Variants in ZNF469 observed in about 807,000 individuals in gnomAD.
ZNF469 encodes zinc finger protein 469.
ZNF469 carries 1 observed loss-of-function variant against 1.0 expected under a neutral mutation model. The ratio of observed to expected loss-of-function variants is 1.00; its 90% CI spans 0.35 to 4.73. The LOEUF is 4.73. Ranked by LOEUF, ZNF469 falls within the 30% of genes most tolerant of loss-of-function variation. ZNF469 has a pLI of 0.16. For synonymous variants in ZNF469, 2,703 were observed against 2,363.4 expected (o/e 1.14, Z -4.17); for missense variants, 6,100 against 5,356.3 (o/e 1.14, Z -4.33).
intron 1 of ZNF469, among the ~76,000 whole-genome samples, chr16:88,415,105 C>T (rs1280796007): frequency 6.6e-6 from 1 of 152,242 alleles, no homozygotes; most frequent in African/African-American, 2.4e-5. Flanking sequence ...CTCTCTGAGC[C>T]TCGGTTTCTC....
At chr16:88,379,954 CTGAG>C (rs931170522), upstream of ZNF469, among the ~76,000 whole-genome samples, 3 of 152,172 alleles carry the variant, frequency 2.0e-5, no homozygotes, top group Non-Finnish European at 4.4e-5. Flanking sequence ...AGCATGGACT[CTGAG>C]TGAGGGCTTC....
chr16:88,210,609 A>G, the ZNF469 span, among the ~76,000 whole-genome samples: 1 of 152,338 alleles, frequency 6.6e-6, no homozygotes, highest in Non-Finnish European at 1.5e-5. Context: ...TATGTATAGT[A>G]TGAGATATGA....
the ZNF469 span, among the ~76,000 whole-genome samples, chr16:88,187,715 ATTTTT>A: frequency 6.4e-5 from 9 of 140,202 alleles, no homozygotes; most frequent in African/African-American, 2.1e-4. Context: ...GATTGCCTGC[ATTTTT>A]TTTTTTTTTT....
chr16:88,234,234 G>C, the ZNF469 span, among the ~76,000 whole-genome samples: 6 of 152,206 alleles, frequency 3.9e-5, no homozygotes, highest in African/African-American at 7.2e-5. Flanking sequence ...CCCATGGAAA[G>C]CTTAGCATGC....
the ZNF469 span, among the ~76,000 whole-genome samples, chr16:88,330,774 G>A: frequency 6.6e-6 from 1 of 152,188 alleles, no homozygotes; most frequent in African/African-American, 2.4e-5. Context: ...GCCAGCCACT[G>A]CCGCATGCTA....
Position 88,393,178 on chromosome 16 carries a change from C to T in ZNF469, c.-192+9924C>T, listed in dbSNP as rs187444616. On this transcript the variant is annotated intron_variant, in intron 1 of 2. Coordinates refer to ENST00000565624, the MANE Select transcript of ZNF469 (RefSeq NM_001367624.2). The stretch of plus-strand genomic sequence containing the variant: ...TTCTAAACGCGGACCAGCCCGTGTG[C>T]ATTCCTGCCTCGCCCGCCCTGGAGT... 2.2e-4 allele frequency among the ~76,000 whole-genome samples: 33 copies of T among 152,400 alleles called. No individual in the cohort carries two copies. In the Middle Eastern group the frequency reaches 0.01, roughly 47 times the overall value.
the ZNF469 span, among the ~76,000 whole-genome samples, chr16:88,240,529 A>T: frequency 2.0e-5 from 3 of 152,128 alleles, no homozygotes; most frequent in Non-Finnish European, 4.4e-5. Flanking sequence ...TGAAAAGGGA[A>T]TGCACTAATA....
At chr16:88,296,661 C>T in the ZNF469 span, among the ~76,000 whole-genome samples, 1 of 152,112 alleles carries the variant, frequency 6.6e-6, no homozygotes, top group Non-Finnish European at 1.5e-5. Context: ...CACAGACATG[C>T]TCACACACTC....
chr16:88,395,237 A>AGATG (rs750119902), intron 1 of ZNF469, among the ~76,000 whole-genome samples: 4,993 of 35,414 alleles, frequency 0.14, 141 homozygotes, highest in East Asian at 0.24. Flanking sequence ...GTGGATGGGT[A>AGATG]GATGGATGGA....
the ZNF469 span, among the ~76,000 whole-genome samples, chr16:88,326,102 G>C: frequency 6.6e-6 from 1 of 152,216 alleles, no homozygotes; most frequent in Admixed American, 6.5e-5. Flanking sequence ...CCTGGTCTCA[G>C]AGCCTTTGTG....
chr16:88,427,038 G>A (rs1267629852), intron 2 of ZNF469, among the ~76,000 whole-genome samples: 1 of 152,050 alleles, frequency 6.6e-6, no homozygotes, highest in African/African-American at 2.4e-5. Context: ...GCCTGTAAGC[G>A]GCCTCCTCAC....
At position 88,435,001 on chromosome 16, in the gene ZNF469, C is replaced by G. The variant is rs751720944; in HGVS notation, c.7531C>G (p.Pro2511Ala). ...APAEPSPAAL[P>A]AQQPLEPLAQ... ...CGCGGAGCCGAGCCCAGCGGCCTTG[C>G]CTGCTCAGCAGCCTCTAGAGCCCCT... The change falls in exon 3 of 3, where the codon CCT becomes GCT. Residue 2511 changes from proline to alanine, a missense_variant. Coordinates refer to ENST00000565624, the MANE Select transcript of ZNF469 (RefSeq NM_001367624.2). 1.3e-6 allele frequency: 2 copies of G among 1,550,324 alleles called. No individual in the cohort carries two copies. The highest frequency in any genetic ancestry group is 2.4e-5 in the South Asian group (2 of 84,068).
chr16:88,265,247 C>T, the ZNF469 span, among the ~76,000 whole-genome samples: 39 of 152,350 alleles, frequency 2.6e-4, no homozygotes, highest in African/African-American at 6.5e-4. Context: ...TGACTTCACC[C>T]GGTCGGCTCT....
chr16:88,149,363 G>C, the ZNF469 span, among the ~76,000 whole-genome samples: 2 of 152,124 alleles, frequency 1.3e-5, no homozygotes, highest in African/African-American at 2.4e-5. Context: ...TCACAGAAAA[G>C]ACCAAAGCCG....
chr16:88,286,544 G>A, the ZNF469 span, among the ~76,000 whole-genome samples: 1 of 152,376 alleles, frequency 6.6e-6, no homozygotes, highest in Non-Finnish European at 1.5e-5. Context: ...ATCGGGAGAG[G>A]ACATGGCCCC....
At chr16:88,328,388 C>A in the ZNF469 span, among the ~76,000 whole-genome samples, 1 of 152,216 alleles carries the variant, frequency 6.6e-6, no homozygotes, top group Non-Finnish European at 1.5e-5. Context: ...GATAGCAGTG[C>A]CTTCTTCACA....
intron 1 of ZNF469, among the ~76,000 whole-genome samples, chr16:88,414,119 A>G (rs1331874949): frequency 1.3e-5 from 2 of 152,160 alleles, no homozygotes; most frequent in South Asian, 4.1e-4. Flanking sequence ...GGCTGCCTGC[A>G]GTGGGTCCAC....
At chr16:88,245,272 G>A in the ZNF469 span, among the ~76,000 whole-genome samples, 1 of 152,238 alleles carries the variant, frequency 6.6e-6, no homozygotes, top group Non-Finnish European at 1.5e-5. Context: ...AAGGACTTCG[G>A]GCTATGAGGA....
intron 1 of ZNF469, among the ~76,000 whole-genome samples, chr16:88,388,728 C>T (rs1001650757): frequency 4.6e-5 from 7 of 152,200 alleles, no homozygotes; most frequent in African/African-American, 1.7e-4. Flanking sequence ...AGTCTCCATA[C>T]TGGAGGAAGC....
Sources: allele counts gnomAD v4.1 joint callset (sites outside exome capture counted in the v4.1 genomes callset), GRCh38; gene constraint gnomAD v4.1.1; transcripts MANE v1.5; gene names NCBI Gene and HGNC (gene_info 2026-07-23, HGNC 2026-07-21).